Variants in RPS6KL1 observed in about 807,000 individuals in gnomAD.
RPS6KL1 encodes ribosomal protein S6 kinase like 1.
A neutral mutation model predicts 57.0 loss-of-function variants in RPS6KL1; 41 were observed. That is an observed-to-expected ratio of 0.72 (90% CI 0.56 to 0.93). The LOEUF is 0.93. RPS6KL1 is among the 40% of genes least tolerant of loss of function. The pLI is 0.00. For synonymous variants in RPS6KL1, 287 were observed against 309.7 expected, an observed-to-expected ratio of 0.93 and a Z score of 0.77; for missense variants, 697 against 727.7, an observed-to-expected ratio of 0.96 and a Z score of 0.49.
At chr14:74,912,909 G>A (rs557221029) in intron 5 of RPS6KL1, among the ~76,000 whole-genome samples, 1 of 152,342 alleles carries the variant, frequency 6.6e-6, no homozygotes, top group African/African-American at 2.4e-5. Flanking sequence ...GGCAGGGGCG[G>A]GCCCCAGCAT....
chr14:74,912,576 C>T (rs756360708), intron 5 of RPS6KL1, among the ~76,000 whole-genome samples: 6 of 152,112 alleles, frequency 3.9e-5, no homozygotes, highest in South Asian at 2.1e-4. Context: ...CTGAGGAAGC[C>T]GCAGCTCTGA....
intron 2 of RPS6KL1, 114 bp from the exon 3 acceptor site, chr14:74,921,675 G>A (rs904231291): frequency 2.0e-6 from 3 of 1,468,646 alleles, no homozygotes; most frequent in Non-Finnish European, 2.7e-6. Flanking sequence ...AAAGACTGAA[G>A]GGGTCAGAGC....
chr14:74,919,815 C>G, intron 4 of RPS6KL1, 30 bp downstream of exon 4: 1 of 1,592,080 alleles, frequency 6.3e-7, no homozygotes, highest in South Asian at 1.1e-5. Context: ...TCCTCCCGCT[C>G]AGGCCTTTGG....
Position 74,921,501 on chromosome 14 carries a change from A to G in RPS6KL1, c.41T>C (p.Leu14Pro). ...VACECLPSPG[L>P]EPEPCSRARS... is the part of the protein sequence containing the mutation. ...TGCTCGTGAGCAAGGCTCAGGCTCC[A>G]GGCCGGGGCTGGGCAGGCACTCACA... Residue 14 changes from leucine (L) to proline (P), a missense_variant, in exon 3 of 12, where the codon CTG (leucine) becomes CCG (proline). Transcript: ENST00000557413. 1 of 1,614,048 alleles carries G rather than the reference A, an allele frequency of 6.2e-7. No individual in the cohort carries two copies. The highest frequency in any genetic ancestry group is 8.5e-7 in the Non-Finnish European group (1 of 1,179,972).
At position 74,904,387 on chromosome 14, in the gene RPS6KL1, A is replaced by T. The variant is rs1471459615; in HGVS notation, c.*2627T>A. On this transcript the variant is annotated 3_prime_UTR_variant, in exon 12 of 12. Transcript: ENST00000557413. ...ACTTAAGGAGCCTGTTTTAACAGTAATTCCAAAAGGGAGGGGAGTATAATG... is the reference window on the plus strand; with the variant it reads ...ACTTAAGGAGCCTGTTTTAACAGTATTTCCAAAAGGGAGGGGAGTATAATG... The T allele has an allele frequency of 6.6e-6, 1 of 152,198 alleles. No homozygotes were observed. The highest frequency in any genetic ancestry group is 1.5e-5 in the Non-Finnish European group (1 of 68,044). The allele number at this position is 152,198 out of a possible 1,614,324, so 9.4% of individuals were successfully genotyped here. A position where few individuals can be genotyped will look rare whatever the true frequency, so the allele number is the denominator to read the frequency against.
Position 74,906,947 on chromosome 14 carries a change from G to T in RPS6KL1, c.*67C>A. The T allele has an allele frequency of 8.3e-7, 1 of 1,206,038 alleles. No individual in the cohort carries two copies. Among genetic ancestry groups the T allele is most frequent in the Non-Finnish European group, 1.2e-6 (1 of 815,842 alleles). 74.7% of individuals were successfully genotyped at this position (1,206,038 alleles called of 1,614,324 possible). On this transcript the variant is annotated 3_prime_UTR_variant, in exon 12 of 12. Transcript: ENST00000557413. Reference sequence around the variant, plus strand: ...GCTGATAGAGGGCCAGCCCTGGGTTGGGTGTCAGGCAAGGAGGAGAGGCGA... The same window carrying T: ...GCTGATAGAGGGCCAGCCCTGGGTTTGGTGTCAGGCAAGGAGGAGAGGCGA...
At chr14:74,921,131 T>C (rs1199963308) in intron 3 of RPS6KL1, 146 bp downstream of exon 3, 15 of 677,090 alleles carry the variant, frequency 2.2e-5, no homozygotes, top group East Asian at 1.4e-4. Flanking sequence ...CCAGCTATCA[T>C]TGTCTTTTAT....
intron 5 of RPS6KL1, 126 bp from the exon 6 acceptor site, chr14:74,911,967 C>G (rs570597177): frequency 8.0e-5 from 54 of 673,702 alleles, no homozygotes; most frequent in East Asian, 1.2e-4. Context: ...GCAGGGAGGG[C>G]GGGCTTTGGT....
At chr14:74,911,453 C>G (rs1307070017) in intron 6 of RPS6KL1, 73 bp from the exon 7 acceptor site, 3 of 1,544,600 alleles carry the variant, frequency 1.9e-6, no homozygotes, top group Non-Finnish European at 2.6e-6. Flanking sequence ...CCTCCTAGCC[C>G]TGGCTTCAGG....
Position 74,918,497 on chromosome 14 carries a change from G to A in RPS6KL1, c.483+16C>T. 1.3e-6 allele frequency: 2 copies of A among 1,510,056 alleles called. No individual in the cohort carries two copies. Among genetic ancestry groups the A allele is most frequent in the Non-Finnish European group, 1.8e-6 (2 of 1,127,992 alleles). 93.5% of individuals were successfully genotyped at this position (1,510,056 alleles called of 1,614,324 possible). On this transcript the variant is annotated intron_variant, in intron 5 of 11. Coordinates refer to ENST00000557413, the MANE Select transcript of RPS6KL1 (RefSeq NM_031464.5). ...ACACTGTCTCCCTCCTGCAAGGCGA[G>A]TGTCCACTCACTCACCTTCTCGATG... is the stretch of plus-strand genomic sequence containing the variant.
chr14:74,910,828 GCTGTACAT>G, intron 7 of RPS6KL1: 1 of 212,776 alleles, frequency 4.7e-6, no homozygotes, highest in South Asian at 7.5e-5. Flanking sequence ...CCTGGTCTGT[GCTGTACAT>G]CTGGTGCAAG....
chr14:74,912,456 A>G (rs1051382504), intron 5 of RPS6KL1, among the ~76,000 whole-genome samples: 4 of 152,012 alleles, frequency 2.6e-5, no homozygotes, highest in African/African-American at 9.7e-5. Flanking sequence ...CCAGAGATCA[A>G]CCCCTCACCC....
chr14:74,909,866 G>A lies in RPS6KL1; in HGVS notation c.947C>T (p.Ser316Leu), dbSNP rs1187882500. The change falls in exon 8 of 12, where the codon TCG (serine) becomes TTG (leucine). Residue 316 changes from serine to leucine, a missense_variant. Coordinates refer to ENST00000557413, the MANE Select transcript of RPS6KL1 (RefSeq NM_031464.5). ...PTARTSTSGS[S>L]DLPKAPGGHL... ...GCCACCTGGGGCCTTTGGAAGGTCC[G>A]AGGAGCCAGAGGTGCTGGTCCTGGC... The A allele has an allele frequency of 5.0e-6, 8 of 1,613,542 alleles. No individual in the cohort carries two copies. In the Admixed American group the frequency reaches 5.0e-5, roughly 10 times the overall value.
chr14:74,909,555 G>A lies in RPS6KL1; in HGVS notation c.1258C>T (p.Leu420=), dbSNP rs575292252. The change falls in exon 8 of 12, where the codon CTG becomes TTG. Residue 420 remains leucine (L), a synonymous_variant. Transcript: ENST00000557413. ...CRDLHPGNLL[L]DQAGHIRLTY... ...GGAGGGCACCTACCTGCCTGGTCCA[G>A]GAGCAGGTTCCCGGGGTGGAGGTCC... is the stretch of plus-strand genomic sequence containing the variant. 1.2e-5 allele frequency: 19 copies of A among 1,599,952 alleles called. 1 individual carries two copies. The African/African-American group carries it at 2.0e-4, about 17-fold the overall frequency.
intron 4 of RPS6KL1, 116 bp downstream of exon 4, chr14:74,919,729 C>G (rs1016180715): frequency 1.7e-6 from 2 of 1,156,842 alleles, no homozygotes; most frequent in Admixed American, 2.6e-5. Context: ...ATAATGACTT[C>G]CACTGCCGGC....
At chr14:74,920,031 T>G in intron 3 of RPS6KL1, 62 bp from the exon 4 acceptor site, 1 of 1,597,336 alleles carries the variant, frequency 6.3e-7, no homozygotes, top group Non-Finnish European at 8.6e-7. Context: ...GAGTTCCAGC[T>G]CCCATTGCCT....
intron 4 of RPS6KL1, 38 bp from the exon 5 acceptor site, chr14:74,918,643 G>T: frequency 6.8e-7 from 1 of 1,479,716 alleles, no homozygotes; most frequent in Non-Finnish European, 9.1e-7. Context: ...CAGCCTCAGG[G>T]CCGAGCCCTC....
At chr14:74,910,870 CTTTTTTT>C (rs5809683) in intron 7 of RPS6KL1, 5 of 155,888 alleles carry the variant, frequency 3.2e-5, no homozygotes, top group Admixed American at 2.0e-4. Context: ...CAGGGCTCAG[CTTTTTTT>C]TTTTTTTTTT....
chr14:74,907,015 T>TA lies in RPS6KL1; in HGVS notation c.1648dup (p.Ter550LeufsTer7). The TA allele has an allele frequency of 1.2e-6, 2 of 1,607,756 alleles. No individual in the cohort carries two copies. The highest frequency in any genetic ancestry group is 1.7e-6 in the Non-Finnish European group (2 of 1,176,086). The stretch of plus-strand genomic sequence containing the variant: ...GCTTCCGTCACCCGCTCTGCCCTCT[T>TA]ACCCCACCAGCTTGCTCCATTGGAT... On this transcript the variant is annotated frameshift_variant and stop_lost, in exon 12 of 12. Coordinates refer to ENST00000557413, the MANE Select transcript of RPS6KL1 (RefSeq NM_031464.5). LOFTEE classifies it high-confidence loss of function.
Sources: allele counts gnomAD v4.1 joint callset (sites outside exome capture counted in the v4.1 genomes callset), GRCh38; gene constraint gnomAD v4.1.1; transcripts MANE v1.5; gene names NCBI Gene and HGNC (gene_info 2026-07-23, HGNC 2026-07-21).